Variants in EPHA6 observed in about 807,000 individuals in gnomAD.
EPHA6 encodes the protein ephrin type-A receptor 6.
EPHA6 carries 50 observed loss-of-function variants against 112.0 expected under a neutral mutation model. That is an observed-to-expected ratio of 0.45 (90% CI 0.36 to 0.56). EPHA6 has a LOEUF of 0.56. Among genes scored for constraint, EPHA6 ranks in the 20% least tolerant of loss-of-function variants. The probability of loss-of-function intolerance (pLI) is 0.00; values close to 1 mark genes in which losing one functional copy is unlikely to be tolerated. For synonymous variants in EPHA6, 529 were observed against 490.7 expected (o/e 1.08, Z -1.03); for missense variants, 1,280 against 1,417.4 (o/e 0.90, Z 1.56).
intron 3 of EPHA6, among the ~76,000 whole-genome samples, chr3:97,025,113 A>G (rs1372602830): frequency 6.6e-6 from 1 of 152,180 alleles, no homozygotes; most frequent in Non-Finnish European, 1.5e-5. Context: ...CAAGCACTAC[A>G]ATATAGGAGA....
At chr3:97,354,467 A>G (rs906902404) in intron 5 of EPHA6, among the ~76,000 whole-genome samples, 2 of 152,106 alleles carry the variant, frequency 1.3e-5, no homozygotes, top group African/African-American at 2.4e-5. Flanking sequence ...TACAATTGAC[A>G]TACAAAGAAT....
intron 5 of EPHA6, among the ~76,000 whole-genome samples, chr3:97,383,124 A>G (rs141477689): frequency 6.6e-5 from 10 of 152,156 alleles, no homozygotes; most frequent in African/African-American, 2.4e-4. Context: ...ATTCTGTAGT[A>G]TTGAAAGACT....
intron 11 of EPHA6, among the ~76,000 whole-genome samples, chr3:97,549,953 G>A (rs2093007377): frequency 2.0e-5 from 3 of 152,200 alleles, no homozygotes; most frequent in Non-Finnish European, 4.4e-5. Context: ...AGAGTGAGTG[G>A]TGAGTCTGTG....
chr3:97,454,356 CAAAT>C (rs2090617068), intron 7 of EPHA6, among the ~76,000 whole-genome samples: 1 of 151,408 alleles, frequency 6.6e-6, no homozygotes, highest in South Asian at 2.1e-4. Flanking sequence ...TACATGTAAT[CAAAT>C]AAATAAAGAA....
At chr3:97,112,470 G>A (rs1313021096) in intron 3 of EPHA6, among the ~76,000 whole-genome samples, 1 of 152,112 alleles carries the variant, frequency 6.6e-6, no homozygotes, top group African/African-American at 2.4e-5. Flanking sequence ...ACATTAGAGA[G>A]GGGAAGAAAA....
intron 3 of EPHA6, among the ~76,000 whole-genome samples, chr3:97,208,460 C>T (rs577620965): frequency 6.6e-6 from 1 of 152,112 alleles, no homozygotes; most frequent in East Asian, 1.9e-4. Flanking sequence ...AATGGAGGGC[C>T]GCAGGCTGGG....
At chr3:96,857,121 C>G (rs1316629124) in intron 1 of EPHA6, among the ~76,000 whole-genome samples, 2 of 152,106 alleles carry the variant, frequency 1.3e-5, no homozygotes, top group African/African-American at 4.8e-5. Flanking sequence ...TCTTATCAAA[C>G]CTACATTTGC....
At chr3:97,340,064 G>C (rs1212890396) in intron 5 of EPHA6, among the ~76,000 whole-genome samples, 1 of 152,200 alleles carries the variant, frequency 6.6e-6, no homozygotes, top group Non-Finnish European at 1.5e-5. Flanking sequence ...TTTCAAAATA[G>C]ATAAAAAATT....
chr3:96,870,179 T>C (rs1318940715), intron 2 of EPHA6, among the ~76,000 whole-genome samples: 1 of 152,080 alleles, frequency 6.6e-6, no homozygotes, highest in African/African-American at 2.4e-5. Flanking sequence ...TAGATTTATT[T>C]TGGGAATTGG....
chr3:97,642,962 G>C (rs926520177), intron 14 of EPHA6, among the ~76,000 whole-genome samples: 19 of 150,242 alleles, frequency 1.3e-4, no homozygotes, highest in African/African-American at 4.6e-4. Context: ...TACTCCTCGA[G>C]AAGAGCAACC....
intron 3 of EPHA6, among the ~76,000 whole-genome samples, chr3:96,994,732 T>TATATATATATAGAGAGAGAGAGAG (rs1170197805): frequency 1.2e-4 from 10 of 82,192 alleles, no homozygotes; most frequent in African/African-American, 6.4e-4. Flanking sequence ...TATATATATA[T>TATATATATATAGAGAGAGAGAGAG]AGAGAGAGAG....
At chr3:97,340,484 CAAA>C (rs2083253838) in intron 5 of EPHA6, among the ~76,000 whole-genome samples, 2 of 152,146 alleles carry the variant, frequency 1.3e-5, no homozygotes, top group African/African-American at 4.8e-5. Flanking sequence ...TTCATGAACT[CAAA>C]AGAAGCACAG....
rs369897260 is a variant in EPHA6 at position 97,321,824 on chromosome 3, G to T, written c.1606+77537G>T. Among the ~76,000 whole-genome samples, 5 of 152,188 alleles carry T rather than the reference G, an allele frequency of 3.3e-5. No homozygotes were observed. The East Asian group carries it at 9.7e-4, about 29-fold the overall frequency. On this transcript the variant is annotated intron_variant, in intron 5 of 17. Transcript: ENST00000389672. ...ACTAGCTTCAAAGCAGCCAACAGCT[G>T]TTAAAAATCATATTTCCAGGCAGGA...
intron 3 of EPHA6, among the ~76,000 whole-genome samples, chr3:97,111,993 A>G (rs1216079933): frequency 6.6e-6 from 1 of 152,154 alleles, no homozygotes; most frequent in African/African-American, 2.4e-5. Flanking sequence ...AGATTTTGCC[A>G]CTAATTGTAA....
chr3:97,352,785 G>T (rs2083880651), intron 5 of EPHA6, among the ~76,000 whole-genome samples: 1 of 152,108 alleles, frequency 6.6e-6, no homozygotes, highest in African/African-American at 2.4e-5. Context: ...GACTTGGAGT[G>T]CACATGACAC....
chr3:96,859,559 T>C (rs2035892110), intron 1 of EPHA6, among the ~76,000 whole-genome samples: 1 of 152,000 alleles, frequency 6.6e-6, no homozygotes, highest in Admixed American at 6.6e-5. Context: ...TTTTAATTTT[T>C]TAATTTTTAA....
chr3:96,999,067 G>A (rs1465514566), intron 3 of EPHA6, among the ~76,000 whole-genome samples: 3 of 151,700 alleles, frequency 2.0e-5, no homozygotes, highest in Non-Finnish European at 4.4e-5. Flanking sequence ...TATATTTTAA[G>A]GTCCCATTCT....
intron 3 of EPHA6, among the ~76,000 whole-genome samples, chr3:97,116,072 T>C (rs572798262): frequency 4.0e-5 from 6 of 151,848 alleles, no homozygotes; most frequent in Admixed American, 2.0e-4. Flanking sequence ...AAGATTTTCT[T>C]CTACAGTGAA....
At chr3:97,648,341 A>G in intron 14 of EPHA6, 1 of 1,601,094 alleles carries the variant, frequency 6.2e-7, no homozygotes, top group Non-Finnish European at 8.5e-7. Context: ...ATTCTGAGAA[A>G]AGCCAAATTT....
Sources: allele counts gnomAD v4.1 joint callset (sites outside exome capture counted in the v4.1 genomes callset), GRCh38; gene constraint gnomAD v4.1.1; transcripts MANE v1.5; gene names NCBI Gene and HGNC (gene_info 2026-07-23, HGNC 2026-07-21).